Variants in NOTCH2NLB observed in about 807,000 individuals in gnomAD.
NOTCH2NLB encodes the protein notch homolog 2 N-terminal-like protein B.
A neutral mutation model predicts 14.8 loss-of-function variants in NOTCH2NLB; 1 was observed. That is an observed-to-expected ratio of 0.07 (90% CI 0.02 to 0.32). The LOEUF (loss-of-function observed/expected upper bound fraction) is 0.32. NOTCH2NLB is among the 10% of genes least tolerant of loss of function. The pLI is 1.00. For synonymous variants in NOTCH2NLB, 6 were observed against 57.5 expected (o/e 0.10, Z 4.05); for missense variants, 11 against 155.0 (o/e 0.07, Z 4.93).
At chr1:148,625,614 C>G (rs1248996278) in intron 2 of NOTCH2NLB, among the ~76,000 whole-genome samples, 1,631 of 119,274 alleles carry the variant, frequency 0.014, 470 homozygotes, top group Middle Eastern at 0.066. Context: ...ATTCTTTAAA[C>G]AGAACTTTGC....
chr1:148,651,162 A>ATAT (rs1325402394), intron 1 of NOTCH2NLB, among the ~76,000 whole-genome samples: 241 of 45,844 alleles, frequency 5.3e-3, no homozygotes, highest in East Asian at 0.012. Context: ...AAAAAAAAAA[A>ATAT]ATATATATAT....
At chr1:148,637,935 T>A (rs1306550054) in intron 2 of NOTCH2NLB, among the ~76,000 whole-genome samples, 1 of 148,386 alleles carries the variant, frequency 6.7e-6, no homozygotes, top group Non-Finnish European at 1.5e-5. Flanking sequence ...TTCTTTTTTA[T>A]GGCTGCATAC....
At chr1:148,628,369 C>T (rs1664035650) in intron 2 of NOTCH2NLB, among the ~76,000 whole-genome samples, 3 of 106,160 alleles carry the variant, frequency 2.8e-5, no homozygotes, top group South Asian at 7.5e-4. Context: ...GTGTTGGAGC[C>T]TTCTTTCCAT....
chr1:148,607,398 GGA>G lies in NOTCH2NLB; in HGVS notation c.673+10_673+11del. On this transcript the variant is annotated intron_variant, in intron 4 of 4. Transcript: ENST00000593495. Reference sequence around the variant, plus strand: ...TTGTCCCCTAATCCTGGGACACTAGGGAGCTCCTTACCTGGAAGGCAGTTGCA... The same window carrying G: ...TTGTCCCCTAATCCTGGGACACTAGGGCTCCTTACCTGGAAGGCAGTTGCA... 1 of 604,552 alleles carries G rather than the reference GGA, an allele frequency of 1.7e-6. No individual in the cohort carries two copies. The highest frequency in any genetic ancestry group is 3.0e-5 in the East Asian group (1 of 33,260). 37.4% of individuals were successfully genotyped at this position (604,552 alleles called of 1,614,324 possible).
intron 2 of NOTCH2NLB, among the ~76,000 whole-genome samples, chr1:148,626,323 A>AAAAGG (rs1663987331): frequency 2.0e-5 from 2 of 98,376 alleles, no homozygotes; most frequent in South Asian, 8.6e-4. Context: ...AGAAAGAAAA[A>AAAAGG]AAAGGAAATA....
In NOTCH2NLB at chr1:148,679,597, T is replaced by C; in HGVS notation, c.-133A>G. 2.8e-6 allele frequency: 3 copies of C among 1,080,874 alleles called. 1 individual carries two copies. The highest frequency in any genetic ancestry group is 3.5e-6 in the Non-Finnish European group (3 of 846,086). 67.0% of individuals were successfully genotyped at this position (1,080,874 alleles called of 1,614,324 possible). On this transcript the variant is annotated 5_prime_UTR_variant, in exon 1 of 5. Coordinates refer to ENST00000593495, the Ensembl canonical transcript of NOTCH2NLB. ...GATCCACATGGGGAGGGGGTCCCGATAGAGGAGCCCCACTCTCTCCTCCCC... is the reference window on the plus strand; with the variant it reads ...GATCCACATGGGGAGGGGGTCCCGACAGAGGAGCCCCACTCTCTCCTCCCC...
intron 1 of NOTCH2NLB, among the ~76,000 whole-genome samples, chr1:148,661,294 T>G (rs1455516412): frequency 6.7e-6 from 1 of 149,080 alleles, no homozygotes; most frequent in Non-Finnish European, 1.5e-5. Context: ...TTAGGCACTA[T>G]TATAAAAAAA....
At chr1:148,613,113 A>G (rs1252149446) in intron 3 of NOTCH2NLB, among the ~76,000 whole-genome samples, 1,556 of 147,650 alleles carry the variant, frequency 0.011, 107 homozygotes, top group African/African-American at 0.038. Flanking sequence ...TTTCTCCTTT[A>G]TCATGTGACA....
At chr1:148,636,994 C>G (rs1276774088) in intron 2 of NOTCH2NLB, among the ~76,000 whole-genome samples, 1 of 142,092 alleles carries the variant, frequency 7.0e-6, no homozygotes, top group Non-Finnish European at 1.5e-5. Context: ...ATACCCAGAA[C>G]TGTATCCATA....
intron 1 of NOTCH2NLB, among the ~76,000 whole-genome samples, chr1:148,674,939 TG>T (rs1182730958): frequency 9.9e-6 from 1 of 100,990 alleles, no homozygotes; most frequent in Non-Finnish European, 2.3e-5. Context: ...TCCAACTCAA[TG>T]AAAAAAATCT....
intron 1 of NOTCH2NLB, among the ~76,000 whole-genome samples, chr1:148,670,069 A>G (rs1664725119): frequency 1.4e-5 from 1 of 73,304 alleles, no homozygotes; most frequent in African/African-American, 4.2e-5. Flanking sequence ...TCAGATAAGA[A>G]CTTTCAAGTA....
rs1324186389 is a variant in NOTCH2NLB at position 148,628,185 on chromosome 1, C to T, written c.77+11831G>A. ...CACACACAGTCCTCATTCCCTCTTG[C>T]ACTTTTATTGGTCTTTCATCGGTTG... On this transcript the variant is annotated intron_variant, in intron 2 of 4. Transcript: ENST00000593495. Among the ~76,000 whole-genome samples the T allele has an allele frequency of 4.7e-3, 592 of 125,298 alleles. 3 individuals are homozygous for T. The highest frequency in any genetic ancestry group is 5.9e-3 in the Non-Finnish European group (364 of 61,968). The allele number at this position is 125,298 out of a possible 152,430, so 82.2% of individuals were successfully genotyped here.
At chr1:148,670,618 C>A (rs1402629417) in intron 1 of NOTCH2NLB, among the ~76,000 whole-genome samples, 10 of 98,260 alleles carry the variant, frequency 1.0e-4, no homozygotes, top group Admixed American at 7.2e-4. Flanking sequence ...GGTAAAAAAA[C>A]CAAAGACGTA....
rs1460935214 is a variant in NOTCH2NLB, at chr1:148,613,205, C to T, written c.337+2486G>A. ...TTTCAGTTGGGGACTAGTGTGTTTC[C>T]GGATGTATGAAGAATAGTTGTACTA... On this transcript the variant is annotated intron_variant, in intron 3 of 4. Transcript: ENST00000593495. Among the ~76,000 whole-genome samples the T allele has an allele frequency of 1.3e-4, 20 of 148,734 alleles. 1 individual carries two copies. The highest frequency in any genetic ancestry group is 3.9e-4 in the East Asian group (2 of 5,068).
Position 148,637,915 on chromosome 1 carries a change from C to T in NOTCH2NLB, c.77+2101G>A, listed in dbSNP as rs1664247724. Among the ~76,000 whole-genome samples the T allele has an allele frequency of 1.3e-5, 2 of 148,412 alleles. 1 individual carries two copies. Among genetic ancestry groups the T allele is most frequent in the Non-Finnish European group, 3.0e-5 (2 of 67,088 alleles). Reference sequence around the variant, plus strand: ...GTTTCATCCATGTCCCTGCAAAGGACATTAACTCATTCTTTTTTATGGCTG... The same window carrying T: ...GTTTCATCCATGTCCCTGCAAAGGATATTAACTCATTCTTTTTTATGGCTG... On this transcript the variant is annotated intron_variant, in intron 2 of 4. Coordinates refer to ENST00000593495, the Ensembl canonical transcript of NOTCH2NLB.
rs1351582289 is a variant in NOTCH2NLB, at chr1:148,655,869, CGTG to C, written c.4-15783_4-15781del. 2.1e-5 allele frequency among the ~76,000 whole-genome samples: 3 copies of C among 145,282 alleles called. No homozygotes were observed. In the East Asian group the frequency reaches 6.9e-4, roughly 33 times the overall value. ...TTATTTTGCAAACGGATATTTGAAA[CGTG>C]GGGAGTAAAAGATAAGCTACAAACA... On this transcript the variant is annotated intron_variant, in intron 1 of 4. Coordinates refer to ENST00000593495, the Ensembl canonical transcript of NOTCH2NLB.
At chr1:148,651,162 A>ATATATATATATATATAT (rs1325402394) in intron 1 of NOTCH2NLB, among the ~76,000 whole-genome samples, 5 of 46,020 alleles carry the variant, frequency 1.1e-4, no homozygotes, top group East Asian at 9.1e-4. Flanking sequence ...AAAAAAAAAA[A>ATATATATATATATATAT]ATATATATAT....
chr1:148,689,667 A>G, the NOTCH2NLB span, among the ~76,000 whole-genome samples: 3 of 67,420 alleles, frequency 4.4e-5, no homozygotes, highest in Admixed American at 1.6e-4. Context: ...GTTGCCATAC[A>G]TAGCATTGTT....
chr1:148,630,609 TCTC>T (rs1664079328), intron 2 of NOTCH2NLB, among the ~76,000 whole-genome samples: 1 of 55,688 alleles, frequency 1.8e-5, no homozygotes, highest in African/African-American at 1.3e-4. Context: ...CTCTCACCCT[TCTC>T]CTACCTATCC....
Sources: gnomAD v4.1 joint callset for allele counts (sites outside exome capture counted in the v4.1 genomes callset) on GRCh38, gnomAD v4.1.1 for gene constraint, MANE v1.5 for transcripts, NCBI Gene and HGNC (gene_info 2026-07-23, HGNC 2026-07-21) for gene names.